The following TMTC2 variants were observed in gnomAD, a reference collection of about 807,000 sequenced individuals.
TMTC2 encodes protein O-mannosyl-transferase TMTC2.
TMTC2 carries 43 observed loss-of-function variants against 82.4 expected under a neutral mutation model. The observed-to-expected ratio is 0.52, with a 90% CI of 0.41 to 0.67. The LOEUF (loss-of-function observed/expected upper bound fraction) is 0.67. TMTC2 is among the 30% of genes least tolerant of loss of function. The pLI is 0.00. For synonymous variants in TMTC2, 408 were observed against 381.9 expected (o/e 1.07, Z -0.80); for missense variants, 919 against 1,012.4 (o/e 0.91, Z 1.25).
At chr12:82,951,663 T>G (rs1877353631) in intron 4 of TMTC2, among the ~76,000 whole-genome samples, 1 of 152,152 alleles carries the variant, frequency 6.6e-6, no homozygotes, top group Non-Finnish European at 1.5e-5. Context: ...TTAATTTTGC[T>G]CACAGTACAT....
At chr12:83,024,192 T>C (rs1456339619) in intron 8 of TMTC2, among the ~76,000 whole-genome samples, 1 of 152,192 alleles carries the variant, frequency 6.6e-6, no homozygotes, top group African/African-American at 2.4e-5. Flanking sequence ...TTATATGGAA[T>C]ATCACATGTA....
intron 2 of TMTC2, among the ~76,000 whole-genome samples, chr12:82,892,270 ATTAC>A (rs904740836): frequency 6.6e-6 from 1 of 152,162 alleles, no homozygotes; most frequent in Non-Finnish European, 1.5e-5. Flanking sequence ...TTAGCATTTT[ATTAC>A]TTATGTTTTC....
chr12:83,083,396 G>A (rs180849962), intron 11 of TMTC2, among the ~76,000 whole-genome samples: 1 of 152,200 alleles, frequency 6.6e-6, no homozygotes, highest in Admixed American at 6.5e-5. Flanking sequence ...TGCTCAAATA[G>A]CATCTCCTAT....
intron 1 of TMTC2, among the ~76,000 whole-genome samples, chr12:82,778,848 CAAAAAAAAAAAAAA>C (rs56354957): frequency 1.3e-4 from 3 of 23,446 alleles, no homozygotes; most frequent in East Asian, 1.8e-3. Flanking sequence ...GACTCCGTCT[CAAAAAAAAAAAAAA>C]AAAAAAAAAA....
intron 2 of TMTC2, among the ~76,000 whole-genome samples, chr12:82,859,804 G>A (rs1457958079): frequency 3.3e-5 from 5 of 152,244 alleles, no homozygotes; most frequent in East Asian, 3.9e-4. Flanking sequence ...CTCTCTTGGC[G>A]ACCACCACTT....
intron 1 of TMTC2, among the ~76,000 whole-genome samples, chr12:82,730,429 A>C (rs1874733009): frequency 6.6e-6 from 1 of 151,162 alleles, no homozygotes. Flanking sequence ...GGGGTCACTC[A>C]GACTTGAGTT....
intron 1 of TMTC2, among the ~76,000 whole-genome samples, chr12:82,701,554 C>A (rs1472766626): frequency 6.8e-6 from 1 of 147,466 alleles, no homozygotes; most frequent in Non-Finnish European, 1.5e-5. Context: ...GAGTTTGAGA[C>A]CAGCCTGACC....
chr12:83,130,902 A>G (rs551169837), intron 11 of TMTC2, among the ~76,000 whole-genome samples: 28 of 152,282 alleles, frequency 1.8e-4, no homozygotes, highest in African/African-American at 4.6e-4. Context: ...TTGAACAGGA[A>G]CTCAAACCCA....
chr12:83,040,631 G>A (rs540730207), intron 9 of TMTC2, among the ~76,000 whole-genome samples: 57 of 151,554 alleles, frequency 3.8e-4, no homozygotes, highest in African/African-American at 1.3e-3. Flanking sequence ...CCTGACCACA[G>A]TGCTTCACCT....
At chr12:83,077,857 G>A (rs1883336227) in intron 11 of TMTC2, among the ~76,000 whole-genome samples, 1 of 141,854 alleles carries the variant, frequency 7.0e-6, no homozygotes, top group Admixed American at 7.2e-5. Flanking sequence ...ACAGGTGTGA[G>A]CCACCATGCC....
At chr12:83,025,206 A>G (rs1183389614) in intron 8 of TMTC2, among the ~76,000 whole-genome samples, 1 of 152,028 alleles carries the variant, frequency 6.6e-6, no homozygotes, top group East Asian at 1.9e-4. Context: ...GTCTCAAAAA[A>G]AAAAAGAAAA....
intron 1 of TMTC2, among the ~76,000 whole-genome samples, chr12:82,853,664 T>A (rs1871103636): frequency 6.6e-6 from 1 of 152,196 alleles, no homozygotes; most frequent in Non-Finnish European, 1.5e-5. Context: ...AGATGATTCT[T>A]CATTCTTTGG....
chr12:82,939,425 G>T lies in TMTC2; in HGVS notation c.1598+8880G>T, dbSNP rs189292087. Among the ~76,000 whole-genome samples, 14 of 152,180 alleles carry T rather than the reference G, an allele frequency of 9.2e-5. No homozygotes were observed. The East Asian group carries it at 2.7e-3, about 29-fold the overall frequency. On this transcript the variant is annotated intron_variant, in intron 4 of 11. Coordinates refer to ENST00000321196, the MANE Select transcript of TMTC2 (RefSeq NM_152588.3). Reference sequence around the variant, plus strand: ...CTGTATTTTGTGTCTCTCTGAAAATGACCATTTGCAGCCTAATATGCTTTT... The same window carrying T: ...CTGTATTTTGTGTCTCTCTGAAAATTACCATTTGCAGCCTAATATGCTTTT...
chr12:82,871,206 G>GT (rs908354715), intron 2 of TMTC2, among the ~76,000 whole-genome samples: 2 of 152,170 alleles, frequency 1.3e-5, no homozygotes, highest in Non-Finnish European at 2.9e-5. Flanking sequence ...GGCTTATCAA[G>GT]TGAAATAATT....
chr12:82,997,386 A>G (rs144830076), intron 8 of TMTC2, among the ~76,000 whole-genome samples: 1,427 of 39,990 alleles, frequency 0.036, 95 homozygotes, highest in Admixed American at 0.077. Context: ...ATATATGTGT[A>G]TATATATATG....
chr12:82,862,731 T>A (rs1356771403), intron 2 of TMTC2, among the ~76,000 whole-genome samples: 2 of 152,214 alleles, frequency 1.3e-5, no homozygotes, highest in East Asian at 1.9e-4. Flanking sequence ...AAGTGAATGA[T>A]GGAGGTTGCC....
chr12:82,859,309 G>T (rs1171783517), intron 2 of TMTC2, among the ~76,000 whole-genome samples: 2 of 152,018 alleles, frequency 1.3e-5, no homozygotes, highest in Non-Finnish European at 2.9e-5. Flanking sequence ...CTCGTGATCT[G>T]CCCGCCTTGG....
intron 1 of TMTC2, among the ~76,000 whole-genome samples, chr12:82,689,057 C>T (rs1165574914): frequency 6.6e-6 from 1 of 152,234 alleles, no homozygotes; most frequent in East Asian, 1.9e-4. Flanking sequence ...TTTTACGCAG[C>T]ATACTGATTT....
intron 1 of TMTC2, among the ~76,000 whole-genome samples, chr12:82,715,705 T>C (rs150948006): frequency 5.7e-4 from 86 of 152,182 alleles, no homozygotes; most frequent in African/African-American, 1.8e-3. Flanking sequence ...AGAGAGAGAA[T>C]TGAGAGACAG....
Sources: allele counts gnomAD v4.1 joint callset (sites outside exome capture counted in the v4.1 genomes callset), GRCh38; gene constraint gnomAD v4.1.1; transcripts MANE v1.5; gene names NCBI Gene and HGNC (gene_info 2026-07-23, HGNC 2026-07-21).